ACP2: variants seen among roughly 807,000 people sequenced by gnomAD.
ACP2 encodes lysosomal acid phosphatase.
A neutral mutation model predicts 54.7 loss-of-function variants in ACP2; 35 were observed. The ratio of observed to expected loss-of-function variants is 0.64; its 90% CI spans 0.49 to 0.85. The LOEUF is 0.85. Ranked by LOEUF, ACP2 falls within the 40% of genes least tolerant of loss-of-function variation. The pLI, the probability that ACP2 is intolerant of heterozygous loss-of-function variation, is 0.00. For missense variants in ACP2, 492 were observed against 565.0 expected (o/e 0.87, Z 1.31); for synonymous variants, 210 against 224.4 (o/e 0.94, Z 0.57).
At chr11:47,241,696 T>C (rs1235461126) in intron 10 of ACP2, among the ~76,000 whole-genome samples, 1 of 152,048 alleles carries the variant, frequency 6.6e-6, no homozygotes, top group African/African-American at 2.4e-5. Flanking sequence ...GTGGGCTGGA[T>C]GAGGGGTATG....
In ACP2 at chr11:47,245,473, C is replaced by T; in HGVS notation, c.549+1G>A. ...TGAGCTGCACCTCTGCCCCCACTCA[C>T]TGCATTCCGAGAACTCTCATTCTGA... On this transcript the variant is annotated splice_donor_variant, in intron 5 of 10. Transcript: ENST00000672073. LOFTEE classifies it high-confidence loss of function. The T allele has an allele frequency of 6.2e-7, 1 of 1,614,244 alleles. No individual in the cohort carries two copies. Among genetic ancestry groups the T allele is most frequent in the Non-Finnish European group, 8.5e-7 (1 of 1,180,030 alleles).
chr11:47,241,119 G>A (rs1297037643), intron 10 of ACP2, among the ~76,000 whole-genome samples: 1 of 152,228 alleles, frequency 6.6e-6, no homozygotes, highest in Non-Finnish European at 1.5e-5. Context: ...AGATGGAGTA[G>A]GGCCTAGAAG....
chr11:47,248,756 C>T lies in ACP2; in HGVS notation c.34G>A (p.Ala12Thr), dbSNP rs773418071. The change falls in exon 1 of 11, where the codon GCT becomes ACT. Residue 12 changes from alanine to threonine, a missense_variant. By Grantham distance (58) the Ala-to-Thr change is moderately conservative. Transcript: ENST00000672073. ...AGKRSGWSRA[A>T]LLQLLLGVNL... ...ACGCCGAGAAGGAGCTGGAGGAGAGCCGCCCGGCTCCAGCCGGACCGCTTG... is the reference window on the plus strand; with the variant it reads ...ACGCCGAGAAGGAGCTGGAGGAGAGTCGCCCGGCTCCAGCCGGACCGCTTG... 6.2e-6 allele frequency: 10 copies of T among 1,603,942 alleles called. No individual in the cohort carries two copies. The highest frequency in any genetic ancestry group is 7.7e-6 in the Non-Finnish European group (9 of 1,175,630).
At chr11:47,247,977 A>G (rs1397857203) in intron 2 of ACP2, 61 bp downstream of exon 2, 5 of 1,414,004 alleles carry the variant, frequency 3.5e-6, no homozygotes, top group Non-Finnish European at 4.8e-6. Context: ...AGTTTTGTAG[A>G]CTGCTCTAGA....
intron 6 of ACP2, 168 bp from the exon 7 acceptor site, chr11:47,245,035 C>T: frequency 7.6e-7 from 1 of 1,318,090 alleles, no homozygotes; most frequent in Non-Finnish European, 1.0e-6. Context: ...TGCTTCAGGG[C>T]ACAGGAAAGG....
chr11:47,248,052 C>A lies in ACP2; in HGVS notation c.196G>T (p.Gly66Cys). ...YQEEEWPQGF[G>C]QLTKEGMLQH... The stretch of plus-strand genomic sequence containing the variant: ...TTCTGACCCACCTTGGTTAACTGAC[C>A]AAACCCCTGGGGCCATTCTTCTTCC... The change falls in exon 2 of 11, where the codon GGT (glycine) becomes TGT (cysteine). Residue 66 changes from glycine to cysteine, a missense_variant. Physicochemically the swap from Gly to Cys is radical, Grantham distance 159. Transcript: ENST00000672073. 6.2e-7 allele frequency: 1 copy of A among 1,605,128 alleles called. No individual in the cohort carries two copies. The highest frequency in any genetic ancestry group is 8.5e-7 in the Non-Finnish European group (1 of 1,177,160).
chr11:47,244,519 G>A lies in ACP2; in HGVS notation c.772+216C>T, dbSNP rs909780356. 4.0e-5 allele frequency among the ~76,000 whole-genome samples: 6 copies of A among 151,714 alleles called. No homozygotes were observed. The South Asian group carries it at 8.3e-4, about 21-fold the overall frequency. On this transcript the variant is annotated intron_variant, in intron 7 of 10. Transcript: ENST00000672073. ...GACAAGAGGGAAACTCCATCCCCCC[G>A]AAAAAAAATAACAATTTTTTTAAAA...
In ACP2 at chr11:47,242,867, C is replaced by T. The variant is rs754392893; in HGVS notation, c.994G>A (p.Glu332Lys). Residue 332 changes from glutamate (E) to lysine (K), a missense_variant, in exon 10 of 11, where the codon GAG (glutamate) becomes AAG (lysine). Coordinates refer to ENST00000672073, the MANE Select transcript of ACP2 (RefSeq NM_001610.4). ...AGCGGCCAGGGGGCCTTGTCACTCT[C>T]GTTCCGAAAGTACATCTCCACTGAG... is the stretch of plus-strand genomic sequence containing the variant. ...NFSVEMYFRN[E>K]SDKAPWPLSL... 1.4e-5 allele frequency: 23 copies of T among 1,613,574 alleles called. No homozygotes were observed. The South Asian group carries it at 1.8e-4, about 12-fold the overall frequency.
chr11:47,244,984 G>A, intron 6 of ACP2, 117 bp from the exon 7 acceptor site: 1 of 1,462,356 alleles, frequency 6.8e-7, no homozygotes, highest in Non-Finnish European at 9.0e-7. Context: ...GGGGAGAGAG[G>A]CAGAGGGGCT....
intron 2 of ACP2, 103 bp from the exon 3 acceptor site, chr11:47,247,830 G>T: frequency 8.4e-7 from 1 of 1,191,110 alleles, no homozygotes; most frequent in Non-Finnish European, 1.2e-6. Context: ...CTTTGCTGGA[G>T]TCAATTAATC....
At chr11:47,240,930 CAG>C (rs1358543246) in intron 10 of ACP2, among the ~76,000 whole-genome samples, 2 of 151,958 alleles carry the variant, frequency 1.3e-5, no homozygotes, top group African/African-American at 4.8e-5. Flanking sequence ...AGAAGTTTAA[CAG>C]AGACCTGGAG....
At chr11:47,240,820 CAA>C (rs779893887) in intron 10 of ACP2, among the ~76,000 whole-genome samples, 11 of 92,662 alleles carry the variant, frequency 1.2e-4, no homozygotes, top group African/African-American at 1.3e-4. Flanking sequence ...GACACCGTCT[CAA>C]AAAAAAAAAA....
At chr11:47,244,900 G>C (rs368165690) in intron 6 of ACP2, 33 bp from the exon 7 acceptor site, 76 of 1,568,066 alleles carry the variant, frequency 4.8e-5, no homozygotes, top group Non-Finnish European at 6.5e-5. Flanking sequence ...TAGCGCCCCA[G>C]GCCTAGGCCA....
chr11:47,245,848 A>C lies in ACP2; in HGVS notation c.298-14T>G, dbSNP rs951136188. 1 of 1,440,862 alleles carries C rather than the reference A, an allele frequency of 6.9e-7. No homozygotes were observed. The highest frequency in any genetic ancestry group is 9.1e-7 in the Non-Finnish European group (1 of 1,102,134). 89.3% of individuals were successfully genotyped at this position (1,440,862 alleles called of 1,614,324 possible). ...TCGCACATAAACCTGCAGCGATAGC[A>C]ACACAAGTCGTGTGTGTGTGTGTGT... On this transcript the variant is annotated splice_polypyrimidine_tract_variant and intron_variant, in intron 3 of 10. Coordinates refer to ENST00000672073, the MANE Select transcript of ACP2 (RefSeq NM_001610.4).
At chr11:47,240,402 C>T (rs1953841840) in intron 10 of ACP2, among the ~76,000 whole-genome samples, 153 bp from the exon 11 acceptor site, 1 of 152,228 alleles carries the variant, frequency 6.6e-6, no homozygotes, top group South Asian at 2.1e-4. Context: ...AATAAATAAG[C>T]AAATGGGCTG....
chr11:47,240,820 CAAAA>C (rs779893887), intron 10 of ACP2, among the ~76,000 whole-genome samples: 1 of 92,666 alleles, frequency 1.1e-5, no homozygotes, highest in Admixed American at 1.1e-4. Flanking sequence ...GACACCGTCT[CAAAA>C]AAAAAAAAAA....
In ACP2 at chr11:47,245,600, G is replaced by A. The variant is rs749071542; in HGVS notation, c.451-28C>T. Reference sequence around the variant, plus strand: ...GTAGAGCGAAGCGGGGAAACAGGCAGCGGGAAAAGGAGCCTGGCATCAGCA... The same window carrying A: ...GTAGAGCGAAGCGGGGAAACAGGCAACGGGAAAAGGAGCCTGGCATCAGCA... On this transcript the variant is annotated intron_variant, in intron 4 of 10. Transcript: ENST00000672073. 34 of 1,614,108 alleles carry A rather than the reference G, an allele frequency of 2.1e-5. 1 individual carries two copies. In the South Asian group the frequency reaches 3.4e-4, roughly 16 times the overall value.
chr11:47,247,257 A>G (rs985890152), intron 3 of ACP2: 1 of 242,178 alleles, frequency 4.1e-6, no homozygotes, highest in Non-Finnish European at 8.1e-6. Flanking sequence ...ATACCCCCAC[A>G]ACATTCTAAG....
Position 47,239,934 on chromosome 11 carries a change from T to C in ACP2, c.*182A>G, listed in dbSNP as rs1953824534. On this transcript the variant is annotated 3_prime_UTR_variant, in exon 11 of 11. Coordinates refer to ENST00000672073, the MANE Select transcript of ACP2 (RefSeq NM_001610.4). ...CACAGCACTTGGTAAACATCAGGCA[T>C]GGGAATGCTGAGTGACAGGCACCAT... 1.6e-6 allele frequency: 1 copy of C among 613,062 alleles called. No homozygotes were observed. 38.0% of individuals were successfully genotyped at this position (613,062 alleles called of 1,614,324 possible). A position where few individuals can be genotyped will look rare whatever the true frequency, so the allele number is the denominator to read the frequency against.
Sources: gnomAD v4.1 joint callset for allele counts (sites outside exome capture counted in the v4.1 genomes callset) on GRCh38, gnomAD v4.1.1 for gene constraint, MANE v1.5 for transcripts, NCBI Gene and HGNC (gene_info 2026-07-23, HGNC 2026-07-21) for gene names.